ST6GALNAC5: variants seen among roughly 807,000 people sequenced by gnomAD.
ST6GALNAC5 encodes ST6 N-acetylgalactosaminide alpha-2,6-sialyltransferase 5.
ST6GALNAC5 carries 27 observed loss-of-function variants against 33.6 expected under a neutral mutation model. The ratio of observed to expected loss-of-function variants is 0.80; its 90% confidence interval spans 0.59 to 1.11. The LOEUF is 1.11. ST6GALNAC5 is among the 50% of genes least tolerant of loss of function. The probability of loss-of-function intolerance (pLI) is 0.00; values close to 1 mark genes in which losing one functional copy is unlikely to be tolerated. For missense variants in ST6GALNAC5, 428 were observed against 454.0 expected (o/e 0.94, Z 0.52); for synonymous variants, 194 against 171.2 (o/e 1.13, Z -1.04).
intron 2 of ST6GALNAC5, among the ~76,000 whole-genome samples, chr1:77,017,741 G>C (rs763445998): frequency 5.3e-5 from 8 of 152,228 alleles, no homozygotes; most frequent in Non-Finnish European, 1.2e-4. Flanking sequence ...GATTTTGTAA[G>C]TCTCAATAGT....
At chr1:76,910,364 GAT>G (rs1463055216) in intron 2 of ST6GALNAC5, among the ~76,000 whole-genome samples, 2 of 152,016 alleles carry the variant, frequency 1.3e-5, no homozygotes, top group African/African-American at 4.8e-5. Flanking sequence ...AGTGGTTAAA[GAT>G]GTGTGATTTT....
At chr1:77,062,911 CTCAA>C in intron 4 of ST6GALNAC5, 60 bp from the exon 5 acceptor site, 1 of 1,177,600 alleles carries the variant, frequency 8.5e-7, no homozygotes, top group Non-Finnish European at 1.2e-6. Flanking sequence ...AACATCTTAC[CTCAA>C]TCAGTCAAAG....
intron 4 of ST6GALNAC5, among the ~76,000 whole-genome samples, chr1:77,059,349 G>T (rs761907784): frequency 6.6e-6 from 1 of 152,092 alleles, no homozygotes; most frequent in South Asian, 2.1e-4. Flanking sequence ...ATCCATGGCC[G>T]TTCCTCAGGC....
At chr1:77,024,742 T>C (rs1651171620) in intron 2 of ST6GALNAC5, among the ~76,000 whole-genome samples, 1 of 152,206 alleles carries the variant, frequency 6.6e-6, no homozygotes. Flanking sequence ...TGAGCCAAGA[T>C]ATGATCTGGG....
chr1:76,930,861 G>C (rs189119412), intron 2 of ST6GALNAC5, among the ~76,000 whole-genome samples: 1 of 152,226 alleles, frequency 6.6e-6, no homozygotes, highest in African/African-American at 2.4e-5. Context: ...TATATATAAA[G>C]GGAAGATATA....
chr1:76,877,335 A>G (rs925431673), intron 2 of ST6GALNAC5, among the ~76,000 whole-genome samples: 1 of 152,184 alleles, frequency 6.6e-6, no homozygotes, highest in Non-Finnish European at 1.5e-5. Flanking sequence ...AGCAGCTTGC[A>G]CAGCAGCCTG....
chr1:77,054,181 G>A (rs1652316658), intron 4 of ST6GALNAC5, among the ~76,000 whole-genome samples: 1 of 152,184 alleles, frequency 6.6e-6, no homozygotes, highest in Admixed American at 6.5e-5. Flanking sequence ...AAATCATGAG[G>A]TACAGAAGGT....
intron 2 of ST6GALNAC5, among the ~76,000 whole-genome samples, chr1:77,033,649 C>T (rs1413889613): frequency 1.3e-5 from 2 of 152,048 alleles, no homozygotes; most frequent in African/African-American, 4.8e-5. Flanking sequence ...TCAGGAAGGG[C>T]CTCCTGGAGG....
At position 77,025,752 on chromosome 1, in the gene ST6GALNAC5, C is replaced by T. The variant is rs141643368; in HGVS notation, c.262-18452C>T. Among the ~76,000 whole-genome samples, 145 of 152,074 alleles carry T rather than the reference C, an allele frequency of 9.5e-4. 1 individual carries two copies. In the South Asian group the frequency reaches 0.021, roughly 22 times the overall value. ...GGGCTCACAGCCTCGTCCACTGTGC[C>T]GGGTCATCCAGTCCCACTCAGGCTC... is the stretch of plus-strand genomic sequence containing the variant. On this transcript the variant is annotated intron_variant, in intron 2 of 4. Transcript: ENST00000477717.
chr1:77,034,099 T>C (rs1570119837), intron 2 of ST6GALNAC5, among the ~76,000 whole-genome samples: 1 of 152,118 alleles, frequency 6.6e-6, no homozygotes, highest in Admixed American at 6.6e-5. Context: ...AAATCGGCTG[T>C]GTAAAAACCA....
intron 2 of ST6GALNAC5, among the ~76,000 whole-genome samples, chr1:76,959,851 A>G (rs1648156605): frequency 6.6e-6 from 1 of 152,192 alleles, no homozygotes. Flanking sequence ...CCTTGCCCAA[A>G]GTGGGTTCTC....
chr1:76,896,498 TTGG>T (rs1246830782), intron 2 of ST6GALNAC5, among the ~76,000 whole-genome samples: 2 of 152,070 alleles, frequency 1.3e-5, no homozygotes, highest in Non-Finnish European at 2.9e-5. Context: ...TAGCCTGCCT[TTGG>T]TGGTGTGTGG....
At chr1:76,956,866 T>C (rs892328847) in intron 2 of ST6GALNAC5, among the ~76,000 whole-genome samples, 3 of 152,150 alleles carry the variant, frequency 2.0e-5, no homozygotes, top group Admixed American at 2.0e-4. Context: ...AACATGGGGT[T>C]GGGGAGGTTT....
At chr1:76,998,000 T>G (rs1650001550) in intron 2 of ST6GALNAC5, among the ~76,000 whole-genome samples, 1 of 152,076 alleles carries the variant, frequency 6.6e-6, no homozygotes, top group Non-Finnish European at 1.5e-5. Flanking sequence ...ATAAGGGGCT[T>G]CCCCCTTTTC....
intron 2 of ST6GALNAC5, among the ~76,000 whole-genome samples, chr1:77,029,826 C>T (rs1570115165): frequency 6.6e-6 from 1 of 152,330 alleles, no homozygotes; most frequent in African/African-American, 2.4e-5. Flanking sequence ...AGCACCAAAT[C>T]TTATTTGTCT....
chr1:77,055,835 G>C (rs1466660690), intron 4 of ST6GALNAC5, among the ~76,000 whole-genome samples: 4 of 152,170 alleles, frequency 2.6e-5, no homozygotes, highest in Non-Finnish European at 4.4e-5. Context: ...ATTAGCACTT[G>C]TCATTGTGTC....
intron 4 of ST6GALNAC5, among the ~76,000 whole-genome samples, chr1:77,059,469 A>C (rs1406048899): frequency 2.0e-5 from 3 of 152,176 alleles, no homozygotes; most frequent in Non-Finnish European, 4.4e-5. Context: ...GAGGTTATGC[A>C]TTACTGAGAA....
At chr1:77,030,997 G>A (rs1651430883) in intron 2 of ST6GALNAC5, among the ~76,000 whole-genome samples, 1 of 152,154 alleles carries the variant, frequency 6.6e-6, no homozygotes, top group African/African-American at 2.4e-5. Context: ...TAAACAGTAG[G>A]TGCTTAATAA....
At chr1:77,037,553 T>C (rs1254670964) in intron 2 of ST6GALNAC5, among the ~76,000 whole-genome samples, 1 of 151,954 alleles carries the variant, frequency 6.6e-6, no homozygotes, top group Non-Finnish European at 1.5e-5. Flanking sequence ...AAAATAAAAG[T>C]TAAAATTATA....
Sources: gnomAD v4.1 joint callset for allele counts (sites outside exome capture counted in the v4.1 genomes callset) on GRCh38, gnomAD v4.1.1 for gene constraint, MANE v1.5 for transcripts, NCBI Gene and HGNC (gene_info 2026-07-23, HGNC 2026-07-21) for gene names.